NELL2: variants seen among roughly 807,000 people sequenced by gnomAD.
NELL2 encodes the protein protein kinase C-binding protein NELL2.
Under a neutral mutation model 109.6 loss-of-function variants are expected in NELL2, and 41 were observed. The observed-to-expected ratio is 0.37, with a 90% CI of 0.29 to 0.49. NELL2 has a LOEUF of 0.49. NELL2 is among the 20% of genes least tolerant of loss of function. The pLI, the probability that NELL2 is intolerant of heterozygous loss-of-function variation, is 0.98. For missense variants in NELL2, 900 were observed against 1,008.3 expected (o/e 0.89, Z 1.45); for synonymous variants, 355 against 344.7 (o/e 1.03, Z -0.33).
chr12:44,797,229 T>C (rs116072207), intron 3 of NELL2, among the ~76,000 whole-genome samples: 2,195 of 151,978 alleles, frequency 0.014, 51 homozygotes, highest in African/African-American at 0.05. Flanking sequence ...ACCAAACAGG[T>C]AGAAATTAGA....
At chr12:44,896,102 G>A (rs539849477) in intron 1 of NELL2, among the ~76,000 whole-genome samples, 13 of 152,272 alleles carry the variant, frequency 8.5e-5, no homozygotes, top group African/African-American at 2.6e-4. Flanking sequence ...CATTCAGTAA[G>A]ACCGGAAGAG....
At chr12:44,613,060 A>G (rs1331258001) in intron 13 of NELL2, among the ~76,000 whole-genome samples, 1 of 152,000 alleles carries the variant, frequency 6.6e-6, no homozygotes, top group Admixed American at 6.6e-5. Flanking sequence ...ATATATATAT[A>G]TGTTCCCTGT....
chr12:44,631,864 G>T (rs1391753673), intron 13 of NELL2, among the ~76,000 whole-genome samples: 1 of 151,778 alleles, frequency 6.6e-6, no homozygotes, highest in Non-Finnish European at 1.5e-5. Context: ...CCCGATAAAG[G>T]CATTACAAAA....
intron 9 of NELL2, among the ~76,000 whole-genome samples, chr12:44,759,886 C>T (rs1389021856): frequency 1.3e-5 from 2 of 152,164 alleles, no homozygotes; most frequent in African/African-American, 4.8e-5. Context: ...CTCTCACCCT[C>T]AGGAAAGAAC....
At chr12:44,829,274 CCTGA>C (rs1425913792) in intron 2 of NELL2, among the ~76,000 whole-genome samples, 1 of 152,100 alleles carries the variant, frequency 6.6e-6, no homozygotes, top group Non-Finnish European at 1.5e-5. Context: ...ACTTTAATAG[CCTGA>C]CTGCCTTCCA....
intron 2 of NELL2, among the ~76,000 whole-genome samples, chr12:44,832,903 A>C (rs1253893509): frequency 2.0e-5 from 3 of 152,220 alleles, no homozygotes; most frequent in Non-Finnish European, 4.4e-5. Flanking sequence ...AAAAAGGAAT[A>C]ACGGAGGACC....
chr12:44,814,036 A>T (rs766873951), intron 3 of NELL2, among the ~76,000 whole-genome samples: 3 of 152,180 alleles, frequency 2.0e-5, no homozygotes, highest in Non-Finnish European at 4.4e-5. Flanking sequence ...TGCTGGTCAG[A>T]GTGTGTACAG....
At chr12:44,514,598 T>C (rs536823631) in intron 19 of NELL2, among the ~76,000 whole-genome samples, 1 of 151,678 alleles carries the variant, frequency 6.6e-6, no homozygotes, top group Admixed American at 6.6e-5. Flanking sequence ...TAGGTATGTA[T>C]AGAAAAAACA....
chr12:44,876,039 C>G lies in NELL2; in HGVS notation c.-170G>C. ...GTTGCCTAAGAAAGAAAAGGGAGGCCTCCCCAGGCGCGTGAAGAACTTAGA... is the reference window on the plus strand; with the variant it reads ...GTTGCCTAAGAAAGAAAAGGGAGGCGTCCCCAGGCGCGTGAAGAACTTAGA... On this transcript the variant is annotated 5_prime_UTR_variant, in exon 1 of 20. Coordinates refer to ENST00000429094, the MANE Select transcript of NELL2 (RefSeq NM_001145108.2). 1.3e-6 allele frequency: 2 copies of G among 1,483,008 alleles called. No individual in the cohort carries two copies. Among genetic ancestry groups the G allele is most frequent in the South Asian group, 1.3e-5 (1 of 74,286 alleles). 91.9% of individuals were successfully genotyped at this position (1,483,008 alleles called of 1,614,324 possible). A position where few individuals can be genotyped will look rare whatever the true frequency, so the allele number is the denominator to read the frequency against.
At chr12:44,686,860 G>C (rs1948735143) in intron 12 of NELL2, among the ~76,000 whole-genome samples, 1 of 152,198 alleles carries the variant, frequency 6.6e-6, no homozygotes, top group Non-Finnish European at 1.5e-5. Context: ...GGTTACTGCT[G>C]TCTTTTTGTT....
upstream of NELL2, among the ~76,000 whole-genome samples, chr12:44,917,109 A>T (rs546964483): frequency 1.3e-5 from 2 of 152,196 alleles, no homozygotes; most frequent in South Asian, 4.2e-4. Context: ...GTGCTTTTAA[A>T]ACTCCCCAAG....
chr12:44,647,084 T>C (rs754980680), intron 13 of NELL2, among the ~76,000 whole-genome samples: 2 of 152,190 alleles, frequency 1.3e-5, no homozygotes, highest in African/African-American at 2.4e-5. Flanking sequence ...ATAGCACATA[T>C]GCATTCTAAA....
intron 13 of NELL2, among the ~76,000 whole-genome samples, chr12:44,630,277 T>C (rs1000032790): frequency 2.6e-5 from 4 of 152,102 alleles, no homozygotes; most frequent in Non-Finnish European, 5.9e-5. Context: ...AACAACCCTA[T>C]GAAATAGTAT....
At chr12:44,646,009 G>A (rs1947082463) in intron 13 of NELL2, among the ~76,000 whole-genome samples, 1 of 151,720 alleles carries the variant, frequency 6.6e-6, no homozygotes, top group Non-Finnish European at 1.5e-5. Flanking sequence ...TTAGTTGAAT[G>A]ACTAAATAAA....
chr12:44,519,561 A>G (rs1315259721), intron 19 of NELL2, among the ~76,000 whole-genome samples: 2 of 152,222 alleles, frequency 1.3e-5, no homozygotes, highest in Non-Finnish European at 2.9e-5. Flanking sequence ...CATCTTTGCC[A>G]TATTGATTTC....
chr12:44,799,050 C>G (rs1448653713), intron 3 of NELL2, among the ~76,000 whole-genome samples: 2 of 149,426 alleles, frequency 1.3e-5, no homozygotes, highest in Non-Finnish European at 3.0e-5. Flanking sequence ...CCTCTGCCTC[C>G]CGGGTTCAAG....
At chr12:44,530,820 C>T (rs1565880494) in intron 16 of NELL2, among the ~76,000 whole-genome samples, 1 of 152,176 alleles carries the variant, frequency 6.6e-6, no homozygotes, top group Non-Finnish European at 1.5e-5. Flanking sequence ...AAGAAGAGCA[C>T]AGTCCTGGCC....
intron 9 of NELL2, among the ~76,000 whole-genome samples, chr12:44,735,377 T>C (rs574944406): frequency 6.6e-6 from 1 of 152,304 alleles, no homozygotes; most frequent in South Asian, 2.1e-4. Flanking sequence ...TTATTATCCT[T>C]CACCAAAGGC....
At chr12:44,751,965 A>C (rs1940672133) in intron 9 of NELL2, among the ~76,000 whole-genome samples, 1 of 152,144 alleles carries the variant, frequency 6.6e-6, no homozygotes, top group South Asian at 2.1e-4. Flanking sequence ...CTAAAAAAAA[A>C]AAAGTCACAA....
Sources: allele counts gnomAD v4.1 joint callset (sites outside exome capture counted in the v4.1 genomes callset), GRCh38; gene constraint gnomAD v4.1.1; transcripts MANE v1.5; gene names NCBI Gene and HGNC (gene_info 2026-07-23, HGNC 2026-07-21).